Variants in PTPRM observed in about 807,000 individuals in gnomAD.
PTPRM encodes protein tyrosine phosphatase receptor type M.
A neutral mutation model predicts 186.7 loss-of-function variants in PTPRM; 47 were observed. That is an observed-to-expected ratio of 0.25 (90% CI 0.20 to 0.32). The LOEUF (loss-of-function observed/expected upper bound fraction) is 0.32. Ranked by LOEUF, PTPRM falls within the 10% of genes least tolerant of loss-of-function variation. The pLI, the probability that PTPRM is intolerant of heterozygous loss-of-function variation, is 1.00. For missense variants in PTPRM, 1,494 were observed against 1,865.0 expected (o/e 0.80, Z 3.66); for synonymous variants, 668 against 674.9 (o/e 0.99, Z 0.16).
At chr18:7,927,029 C>G (rs1000582472) in intron 5 of PTPRM, among the ~76,000 whole-genome samples, 30 of 152,150 alleles carry the variant, frequency 2.0e-4, no homozygotes, top group African/African-American at 7.0e-4. Context: ...CTCTCTCTCT[C>G]TCTTACACAC....
chr18:8,074,376 T>C (rs2089673761), intron 8 of PTPRM, among the ~76,000 whole-genome samples: 1 of 152,214 alleles, frequency 6.6e-6, no homozygotes, highest in Admixed American at 6.5e-5. Context: ...CATGAACAAG[T>C]TTTTGAATTA....
chr18:7,966,881 G>A (rs1429199806), intron 7 of PTPRM, among the ~76,000 whole-genome samples: 1 of 127,082 alleles, frequency 7.9e-6, no homozygotes, highest in Non-Finnish European at 1.9e-5. Context: ...GCTGGGGGAG[G>A]GGCGCCCACC....
At chr18:7,836,336 A>G (rs2145785430) in intron 2 of PTPRM, among the ~76,000 whole-genome samples, 1 of 152,308 alleles carries the variant, frequency 6.6e-6, no homozygotes, top group Middle Eastern at 3.4e-3. Flanking sequence ...GCTGATAACA[A>G]CACTGCATAA....
At chr18:8,392,424 A>G (rs1176347186) in intron 31 of PTPRM, among the ~76,000 whole-genome samples, 1 of 152,120 alleles carries the variant, frequency 6.6e-6, no homozygotes, top group African/African-American at 2.4e-5. Flanking sequence ...GGAGATTGAG[A>G]CTATCCTGGC....
At chr18:7,596,219 A>G (rs1182610322) in intron 1 of PTPRM, among the ~76,000 whole-genome samples, 1 of 152,194 alleles carries the variant, frequency 6.6e-6, no homozygotes, top group Non-Finnish European at 1.5e-5. Flanking sequence ...GAACGGAGTC[A>G]GCTACTAAGT....
chr18:7,793,197 A>G (rs1425198563), intron 2 of PTPRM, among the ~76,000 whole-genome samples: 3 of 152,130 alleles, frequency 2.0e-5, no homozygotes, highest in Admixed American at 2.0e-4. Context: ...CATATGCCCA[A>G]TAGGAAGGCA....
At chr18:7,854,728 GGAGT>G (rs1248387230) in intron 2 of PTPRM, among the ~76,000 whole-genome samples, 1 of 95,468 alleles carries the variant, frequency 1.0e-5, no homozygotes, top group African/African-American at 5.0e-5. Flanking sequence ...TGAAATGTTA[GGAGT>G]TTTTTTTTTT....
chr18:7,681,514 C>T (rs560487415), intron 1 of PTPRM, among the ~76,000 whole-genome samples: 10 of 151,574 alleles, frequency 6.6e-5, no homozygotes, highest in Admixed American at 3.9e-4. Flanking sequence ...AGCATCAGTT[C>T]GTTGATGTGT....
At chr18:7,813,648 T>G (rs1051972975) in intron 2 of PTPRM, among the ~76,000 whole-genome samples, 1 of 152,190 alleles carries the variant, frequency 6.6e-6, no homozygotes, top group African/African-American at 2.4e-5. Flanking sequence ...TTTTGTCTGT[T>G]AATTTCTCTA....
chr18:7,891,046 G>GT (rs1263319623), intron 3 of PTPRM, among the ~76,000 whole-genome samples: 48 of 152,140 alleles, frequency 3.2e-4, no homozygotes, highest in African/African-American at 1.1e-3. Context: ...GGAGGCCGAG[G>GT]TGGGAGGATC....
At chr18:7,702,860 T>A (rs2039996022) in intron 1 of PTPRM, among the ~76,000 whole-genome samples, 1 of 152,246 alleles carries the variant, frequency 6.6e-6, no homozygotes, top group Non-Finnish European at 1.5e-5. Context: ...CACCTTGAGT[T>A]AATTTTTTAA....
At chr18:8,029,615 A>G (rs565821669) in intron 7 of PTPRM, among the ~76,000 whole-genome samples, 2 of 152,212 alleles carry the variant, frequency 1.3e-5, no homozygotes, top group African/African-American at 2.4e-5. Context: ...ACTCTTTTGT[A>G]TCTTGTATAT....
intron 22 of PTPRM, among the ~76,000 whole-genome samples, chr18:8,334,389 C>A (rs988928946): frequency 6.6e-6 from 1 of 152,182 alleles, no homozygotes; most frequent in African/African-American, 2.4e-5. Context: ...CATTGCCACA[C>A]TGGGGAGCCT....
chr18:7,613,875 T>C (rs2037739049), intron 1 of PTPRM, among the ~76,000 whole-genome samples: 1 of 152,230 alleles, frequency 6.6e-6, no homozygotes, highest in South Asian at 2.1e-4. Context: ...TAAATTATAA[T>C]GTTGCATAGA....
At chr18:7,569,826 T>C (rs967823768) in intron 1 of PTPRM, among the ~76,000 whole-genome samples, 5 of 152,240 alleles carry the variant, frequency 3.3e-5, no homozygotes. Context: ...GGAAGAAATA[T>C]ATCTATTTGT....
chr18:8,273,997 C>T (rs1354350097), intron 19 of PTPRM, among the ~76,000 whole-genome samples: 1 of 152,134 alleles, frequency 6.6e-6, no homozygotes, highest in Non-Finnish European at 1.5e-5. Context: ...AACTGACCTA[C>T]TCCAGTGTGC....
intron 19 of PTPRM, among the ~76,000 whole-genome samples, chr18:8,271,534 T>C (rs1359673526): frequency 6.6e-6 from 1 of 152,002 alleles, no homozygotes; most frequent in Non-Finnish European, 1.5e-5. Flanking sequence ...TTAAAATGAG[T>C]GGAATCACAT....
chr18:7,719,858 C>T (rs2144849393), intron 1 of PTPRM, among the ~76,000 whole-genome samples: 1 of 152,208 alleles, frequency 6.6e-6, no homozygotes, highest in Non-Finnish European at 1.5e-5. Flanking sequence ...AGAAAACAAA[C>T]ACAGTAAAAT....
intron 2 of PTPRM, among the ~76,000 whole-genome samples, chr18:7,849,413 T>G (rs1392943963): frequency 1.3e-5 from 2 of 152,248 alleles, no homozygotes; most frequent in African/African-American, 2.4e-5. Flanking sequence ...TAGATGGGTC[T>G]CTTTTAGAGT....
Sources: allele counts gnomAD v4.1 joint callset (sites outside exome capture counted in the v4.1 genomes callset), GRCh38; gene constraint gnomAD v4.1.1; transcripts MANE v1.5; gene names NCBI Gene and HGNC (gene_info 2026-07-23, HGNC 2026-07-21).